The following SYT16 variants were observed in gnomAD, a reference collection of about 807,000 sequenced individuals.
The protein encoded by SYT16 is synaptotagmin-16.
SYT16 carries 42 observed loss-of-function variants against 61.4 expected under a neutral mutation model. The observed-to-expected ratio is 0.68, with a 90% CI of 0.53 to 0.89. The LOEUF is 0.89. SYT16 is among the 40% of genes least tolerant of loss of function. The probability of loss-of-function intolerance (pLI) is 0.00; values close to 1 mark genes in which losing one functional copy is unlikely to be tolerated. For synonymous variants in SYT16, 314 were observed against 302.3 expected (o/e 1.04, Z -0.40); for missense variants, 804 against 807.3 (o/e 1.00, Z 0.05).
chr14:61,950,420 T>G (rs752870919), intron 1 of SYT16, among the ~76,000 whole-genome samples: 1 of 152,180 alleles, frequency 6.6e-6, no homozygotes, highest in Non-Finnish European at 1.5e-5. Context: ...CTGCAACCCT[T>G]TGGCCCCATG....
At chr14:62,019,411 A>G (rs938487444) in intron 3 of SYT16, among the ~76,000 whole-genome samples, 1 of 152,166 alleles carries the variant, frequency 6.6e-6, no homozygotes, top group African/African-American at 2.4e-5. Flanking sequence ...TCTGGGTTCA[A>G]ATGCTGACGC....
chr14:62,072,224 T>C (rs376441753), intron 4 of SYT16, among the ~76,000 whole-genome samples: 2 of 152,220 alleles, frequency 1.3e-5, no homozygotes, highest in South Asian at 2.1e-4. Context: ...ATTACTCTGG[T>C]GTCCTCAAAA....
chr14:62,054,685 G>A (rs2055468535), intron 3 of SYT16, among the ~76,000 whole-genome samples: 1 of 151,990 alleles, frequency 6.6e-6, no homozygotes, highest in Admixed American at 6.6e-5. Flanking sequence ...TTAATATTCA[G>A]TCTATTTATT....
At chr14:62,087,972 TTG>T (rs2056943532) in intron 7 of SYT16, among the ~76,000 whole-genome samples, 1 of 152,092 alleles carries the variant, frequency 6.6e-6, no homozygotes, top group Non-Finnish European at 1.5e-5. Flanking sequence ...AATGAAAAAT[TTG>T]CACCAAGTAT....
upstream of SYT16, chr14:61,812,178 A>C (rs1216038280): frequency 1.3e-5 from 2 of 152,334 alleles, no homozygotes; most frequent in Non-Finnish European, 2.9e-5. Context: ...CTTGGAGCCT[A>C]CGGAGATGGC....
chr14:62,047,402 C>A (rs2140874428), intron 3 of SYT16, among the ~76,000 whole-genome samples: 1 of 152,242 alleles, frequency 6.6e-6, no homozygotes, highest in South Asian at 2.1e-4. Flanking sequence ...TCTAGATATA[C>A]AATCATGTCA....
At chr14:61,835,606 G>A (rs2046104190) in intron 1 of SYT16, among the ~76,000 whole-genome samples, 1 of 151,582 alleles carries the variant, frequency 6.6e-6, no homozygotes, top group Non-Finnish European at 1.5e-5. Context: ...CCTTTTTATG[G>A]CCATTTAGGG....
Position 62,020,370 on chromosome 14 carries a change from A to C in SYT16, c.523+23828A>C, listed in dbSNP as rs373583300. Among the ~76,000 whole-genome samples, 5 of 152,130 alleles carry C rather than the reference A, an allele frequency of 3.3e-5. No homozygotes were observed. The East Asian group carries it at 7.7e-4, about 23-fold the overall frequency. On this transcript the variant is annotated intron_variant, in intron 3 of 7. Transcript: ENST00000683842. ...ATAATAATATCCATCTTTGTCACTT[A>C]ATTTTAGGAAAGCACATGTGATCCT...
In SYT16 at chr14:62,007,554, T is replaced by G. The variant is rs528548170; in HGVS notation, c.523+11012T>G. Among the ~76,000 whole-genome samples the G allele has an allele frequency of 2.6e-5, 4 of 152,260 alleles. No individual in the cohort carries two copies. The East Asian group carries it at 7.7e-4, about 29-fold the overall frequency. ...GTTTTCAAAGCCTTAACGTTTAAGT[T>G]GAGAAGATGATTATTCCCATTGTTA... On this transcript the variant is annotated intron_variant, in intron 3 of 7. Transcript: ENST00000683842.
chr14:62,100,121 T>C (rs975429643), intron 7 of SYT16, among the ~76,000 whole-genome samples: 2 of 152,232 alleles, frequency 1.3e-5, no homozygotes, highest in African/African-American at 4.8e-5. Context: ...CACGAATGTA[T>C]ACACCCTGTG....
intron 2 of SYT16, among the ~76,000 whole-genome samples, chr14:61,976,520 C>G (rs2051810802): frequency 6.6e-6 from 1 of 152,146 alleles, no homozygotes; most frequent in Non-Finnish European, 1.5e-5. Context: ...CAGAGGTTCC[C>G]AAACTTCAAT....
intron 1 of SYT16, among the ~76,000 whole-genome samples, chr14:61,925,849 T>C (rs565207153): frequency 1.3e-5 from 2 of 152,300 alleles, no homozygotes; most frequent in South Asian, 2.1e-4. Context: ...GGTGGTATTT[T>C]TCCCTCAAGG....
At chr14:61,971,367 C>G (rs72718539) in intron 2 of SYT16, among the ~76,000 whole-genome samples, 1 of 111,186 alleles carries the variant, frequency 9.0e-6, no homozygotes, top group South Asian at 4.1e-4. Context: ...AATGTCATCT[C>G]AAGGCTTCAG....
intron 3 of SYT16, among the ~76,000 whole-genome samples, chr14:62,015,497 C>T (rs1595160331): frequency 1.2e-5 from 1 of 84,808 alleles, no homozygotes; most frequent in African/African-American, 4.7e-5. Flanking sequence ...CTCCTCCCAA[C>T]ATTAATGAGG....
chr14:62,102,777 A>G lies in SYT16; in HGVS notation c.*2070A>G, dbSNP rs549529145. 1.2e-4 allele frequency: 19 copies of G among 152,032 alleles called. No homozygotes were observed. Among genetic ancestry groups the G allele is most frequent in the African/African-American group, 3.6e-4 (15 of 41,448 alleles). The allele number at this position is 152,032 out of a possible 1,614,324, so 9.4% of individuals were successfully genotyped here. On this transcript the variant is annotated 3_prime_UTR_variant, in exon 8 of 8. Transcript: ENST00000683842. ...ACAGCCCTGAATTTTTCCCTCTCATATTTTCCTGCTGCTGCATCCTTGTTT... is the reference window on the plus strand; with the variant it reads ...ACAGCCCTGAATTTTTCCCTCTCATGTTTTCCTGCTGCTGCATCCTTGTTT...
At chr14:61,934,788 T>TA (rs1181789426) in intron 1 of SYT16, among the ~76,000 whole-genome samples, 1 of 152,194 alleles carries the variant, frequency 6.6e-6, no homozygotes, top group Non-Finnish European at 1.5e-5. Context: ...CTTTCAGATC[T>TA]AAAATCCCAT....
At chr14:61,978,033 TG>T (rs2051893375) in intron 2 of SYT16, among the ~76,000 whole-genome samples, 1 of 152,340 alleles carries the variant, frequency 6.6e-6, no homozygotes, top group South Asian at 2.1e-4. Context: ...TTCCAATCTC[TG>T]CCTCTGTCTT....
At chr14:62,041,529 T>C (rs778568098) in intron 3 of SYT16, among the ~76,000 whole-genome samples, 1 of 152,164 alleles carries the variant, frequency 6.6e-6, no homozygotes, top group Non-Finnish European at 1.5e-5. Flanking sequence ...TTTTTTGAGA[T>C]GGAGTCTTGC....
intron 1 of SYT16, among the ~76,000 whole-genome samples, chr14:61,815,083 T>C (rs1384340117): frequency 6.6e-6 from 1 of 152,216 alleles, no homozygotes; most frequent in African/African-American, 2.4e-5. Context: ...GCATCAGAGT[T>C]ACTCAGAGGA....
Sources: gnomAD v4.1 joint callset for allele counts (sites outside exome capture counted in the v4.1 genomes callset) on GRCh38, gnomAD v4.1.1 for gene constraint, MANE v1.5 for transcripts, NCBI Gene and HGNC (gene_info 2026-07-23, HGNC 2026-07-21) for gene names.